COL2A1: variants seen among roughly 807,000 people sequenced by gnomAD.
COL2A1 encodes the protein collagen type II alpha 1 chain.
In COL2A1, 28 loss-of-function variants were observed where a neutral mutation model predicts 204.5. The ratio of observed to expected loss-of-function variants is 0.14; its 90% confidence interval spans 0.10 to 0.19. The LOEUF is 0.19. COL2A1 is among the 10% of genes least tolerant of loss of function. COL2A1 has a pLI of 1.00. For synonymous variants in COL2A1, 708 were observed against 718.7 expected (o/e 0.99, Z 0.24); for missense variants, 1,388 against 2,027.5 (o/e 0.68, Z 6.06).
At position 47,978,775 on chromosome 12, in the gene COL2A1, C is replaced by A. The variant is rs371956146; in HGVS notation, c.2734-17G>T. 2.5e-6 allele frequency: 4 copies of A among 1,610,938 alleles called. No homozygotes were observed. The African/African-American group carries it at 5.4e-5, about 22-fold the overall frequency. ...AGGGTTGCCCTAGAAGGAGAAAATG[C>A]GGGAAGTGAGGACTCATCTCACCCT... On this transcript the variant is annotated splice_polypyrimidine_tract_variant and intron_variant, in intron 41 of 53. Transcript: ENST00000380518. This position sits in a 1 kb window ranked among gnomAD's most constrained non-coding sequence, Gnocchi z 5.5.
At chr12:47,982,747 C>G (rs11168337) in intron 33 of COL2A1, 101 bp downstream of exon 33, 87 of 1,304,116 alleles carry the variant, frequency 6.7e-5, no homozygotes, top group Non-Finnish European at 8.7e-5. Flanking sequence ...CAGCTCCCCC[C>G]ACTTCTGTTC....
chr12:47,993,391 C>T (rs1038991921), intron 15 of COL2A1, 67 bp downstream of exon 15: 6 of 1,211,210 alleles, frequency 5.0e-6, no homozygotes, highest in Non-Finnish European at 7.4e-6. Context: ...ACAAAGGGAG[C>T]TCTTTGCAGC....
chr12:47,992,798 T>C, intron 16 of COL2A1, 80 bp downstream of exon 16: 1 of 1,482,020 alleles, frequency 6.7e-7, no homozygotes, highest in Non-Finnish European at 9.4e-7. Flanking sequence ...CACAGGGTTG[T>C]TTCGAGGGTC....
At chr12:47,985,160 T>C in intron 26 of COL2A1, 67 bp from the exon 27 acceptor site, 1 of 1,317,714 alleles carries the variant, frequency 7.6e-7, no homozygotes, top group Admixed American at 1.8e-5. Flanking sequence ...CAACATCCAC[T>C]AAGGGCCTAC....
intron 15 of COL2A1, 69 bp downstream of exon 15, chr12:47,993,389 A>T: frequency 1.7e-6 from 2 of 1,163,528 alleles, no homozygotes; most frequent in Admixed American, 3.4e-5. Context: ...GCACAAAGGG[A>T]GCTCTTTGCA....
In COL2A1 at chr12:47,987,200, G is replaced by A. The variant is rs763194703; in HGVS notation, c.1267-24C>T. ...CCCTGTGGGCATGAGAAGAAGGGAG[G>A]GGTGTCAGGAGAGGGGAGAGGCAGG... On this transcript the variant is annotated intron_variant, in intron 20 of 53. Coordinates refer to ENST00000380518, the MANE Select transcript of COL2A1 (RefSeq NM_001844.5). The surrounding 1 kb of genome is among the most constrained non-coding windows in gnomAD (Gnocchi z 4.1). 2 of 1,613,554 alleles carry A rather than the reference G, an allele frequency of 1.2e-6. No homozygotes were observed. The highest frequency in any genetic ancestry group is 1.7e-6 in the Non-Finnish European group (2 of 1,179,482).
chr12:47,992,813 G>A, intron 16 of COL2A1, 65 bp downstream of exon 16: 1 of 1,562,358 alleles, frequency 6.4e-7, no homozygotes, highest in Non-Finnish European at 8.8e-7. Flanking sequence ...AGGGTCAAGA[G>A]AAACAAACCT....
intron 31 of COL2A1, 51 bp from the exon 32 acceptor site, chr12:47,983,188 C>G (rs1351989812): frequency 2.5e-6 from 4 of 1,590,710 alleles, no homozygotes; most frequent in Admixed American, 1.7e-5. Context: ...ATCACAGACC[C>G]CTGAACAATT....
chr12:47,993,327 T>G (rs150754351), intron 15 of COL2A1, 131 bp downstream of exon 15: 1 of 765,200 alleles, frequency 1.3e-6, no homozygotes. Flanking sequence ...TCTAATACAT[T>G]TTGCTTTTTG....
Position 47,997,184 on chromosome 12 carries a change from G to T in COL2A1, c.531+422C>A, listed in dbSNP as rs114276099. 2.3e-3 allele frequency among the ~76,000 whole-genome samples: 348 copies of T among 152,348 alleles called. 3 individuals are homozygous for T. The highest frequency in any genetic ancestry group is 8.0e-3 in the African/African-American group (334 of 41,576). On this transcript the variant is annotated intron_variant, in intron 7 of 53. Transcript: ENST00000380518. ...GACTTTAGCCACACACCTTCACTCA[G>T]TGGAGCTCTTTCATGAGAGTGAATA...
intron 2 of COL2A1, among the ~76,000 whole-genome samples, chr12:47,999,154 A>C (rs1168335118): frequency 6.6e-6 from 1 of 152,118 alleles, no homozygotes; most frequent in Non-Finnish European, 1.5e-5. Context: ...CTACCCAAAA[A>C]ACCTACACAA....
Position 47,987,579 on chromosome 12 carries a change from A to AC in COL2A1, c.1221+31dup, listed in dbSNP as rs539799836. 69 of 1,567,972 alleles carry AC rather than the reference A, an allele frequency of 4.4e-5. No homozygotes were observed. Among genetic ancestry groups the AC allele is most frequent in the African/African-American group, 9.5e-5 (7 of 73,550 alleles). ...AGAGTTCCAAAGCCACAGACCCCAGACCCCCCCAGGCCAAAGAGAAGCTGC... is the reference window on the plus strand; with the variant it reads ...AGAGTTCCAAAGCCACAGACCCCAGACCCCCCCCAGGCCAAAGAGAAGCTGC... On this transcript the variant is annotated intron_variant, in intron 19 of 53. Coordinates refer to ENST00000380518, the MANE Select transcript of COL2A1 (RefSeq NM_001844.5). The surrounding 1 kb of genome is among the most constrained non-coding windows in gnomAD (Gnocchi z 4.1).
Position 47,996,636 on chromosome 12 carries a change from A to AC in COL2A1, c.532-12dup, listed in dbSNP as rs1565694123. 1 of 1,613,966 alleles carries AC rather than the reference A, an allele frequency of 6.2e-7. No homozygotes were observed. The highest frequency in any genetic ancestry group is 1.7e-5 in the Admixed American group (1 of 60,026). On this transcript the variant is annotated splice_polypyrimidine_tract_variant and intron_variant, in intron 7 of 53. Coordinates refer to ENST00000380518, the MANE Select transcript of COL2A1 (RefSeq NM_001844.5). ...CTGGGCAGCAAAGTTCTGCAAAGAAACCCAACAACGTTAGGAGGTTGAAAG... is the reference window on the plus strand; with the variant it reads ...CTGGGCAGCAAAGTTCTGCAAAGAAACCCCAACAACGTTAGGAGGTTGAAAG...
At chr12:47,981,668 G>T in intron 36 of COL2A1, 108 bp downstream of exon 36, 1 of 1,303,022 alleles carries the variant, frequency 7.7e-7, no homozygotes, top group Non-Finnish European at 1.1e-6. Context: ...GGCCTTGGCC[G>T]AGGGTGACAG....
At chr12:47,989,843 C>T (rs377406805) in intron 16 of COL2A1, 38 bp from the exon 17 acceptor site, 150 of 1,603,170 alleles carry the variant, frequency 9.4e-5, no homozygotes, top group Admixed American at 5.0e-4. Context: ...GAGGTGCCCA[C>T]AGGCCCTGTC....
intron 15 of COL2A1, among the ~76,000 whole-genome samples, 187 bp from the exon 16 acceptor site, chr12:47,993,118 T>A (rs897912508): frequency 3.3e-5 from 5 of 152,140 alleles, no homozygotes; most frequent in Non-Finnish European, 7.3e-5. Flanking sequence ...ACCCAACAGT[T>A]TTCTCCACAG....
Position 47,983,296 on chromosome 12 carries a change from T to C in COL2A1, c.2049+89A>G, listed in dbSNP as rs1165803146. ...AGGACATTCCCAGGCCTCACAGGGC[T>C]CCTCATGCCCTCTTGCCCTTGCCTC... On this transcript the variant is annotated intron_variant, in intron 31 of 53. Coordinates refer to ENST00000380518, the MANE Select transcript of COL2A1 (RefSeq NM_001844.5). The C allele has an allele frequency of 8.0e-6, 12 of 1,502,638 alleles. No homozygotes were observed. The Admixed American group carries it at 1.6e-4, about 20-fold the overall frequency. The allele number at this position is 1,502,638 out of a possible 1,614,324, so 93.1% of individuals were successfully genotyped here. A position where few individuals can be genotyped will look rare whatever the true frequency, so the allele number is the denominator to read the frequency against.
chr12:47,989,219 G>A lies in COL2A1; in HGVS notation c.1122+9C>T, dbSNP rs1399612820. ...CCAGAAGTTCCTGACTGGACAACAG[G>A]GCACGTACCTTGGCTCCAGGAGCAC... On this transcript the variant is annotated intron_variant, in intron 18 of 53. Transcript: ENST00000380518. 5 of 1,610,690 alleles carry A rather than the reference G, an allele frequency of 3.1e-6. No individual in the cohort carries two copies.
At chr12:47,977,773 G>T in intron 44 of COL2A1, 120 bp from the exon 45 acceptor site, 1 of 1,200,758 alleles carries the variant, frequency 8.3e-7, no homozygotes, top group Non-Finnish European at 1.2e-6. Context: ...CTCACACTTT[G>T]AAGCCAAAGT....
Sources: allele counts gnomAD v4.1 joint callset (sites outside exome capture counted in the v4.1 genomes callset), GRCh38; gene constraint gnomAD v4.1.1; non-coding constraint Gnocchi (gnomAD v3.1); transcripts MANE v1.5; gene names NCBI Gene and HGNC (gene_info 2026-07-23, HGNC 2026-07-21).